CLEC16A: variants seen among roughly 807,000 people sequenced by gnomAD.
The protein encoded by CLEC16A is protein CLEC16A.
In CLEC16A, 51 loss-of-function variants were observed where a neutral mutation model predicts 109.5. That is an observed-to-expected ratio of 0.47 (90% CI 0.37 to 0.59). The LOEUF is 0.59. Ranked by LOEUF, CLEC16A falls within the 20% of genes least tolerant of loss-of-function variation. The probability of loss-of-function intolerance (pLI) is 0.00; values close to 1 mark genes in which losing one functional copy is unlikely to be tolerated. For missense variants in CLEC16A, 1,339 were observed against 1,394.0 expected (o/e 0.96, Z 0.63); for synonymous variants, 673 against 564.2 (o/e 1.19, Z -2.73).
At chr16:11,144,206 A>G (rs960146923) in intron 22 of CLEC16A, among the ~76,000 whole-genome samples, 1 of 152,146 alleles carries the variant, frequency 6.6e-6, no homozygotes, top group Non-Finnish European at 1.5e-5. Context: ...CACCCAAATG[A>G]GCAAATCATG....
At chr16:11,024,467 C>T (rs1333014877) in intron 12 of CLEC16A, 1 of 210,600 alleles carries the variant, frequency 4.7e-6, no homozygotes, top group Non-Finnish European at 9.8e-6. Flanking sequence ...GCTTGTGACA[C>T]ACATCACTTT....
In CLEC16A at chr16:11,174,255, C is replaced by A; in HGVS notation, c.2807-4080C>A. 2.1e-6 allele frequency: 1 copy of A among 465,468 alleles called. No individual in the cohort carries two copies. The allele number at this position is 465,468 out of a possible 1,614,324, so 28.8% of individuals were successfully genotyped here. A position where few individuals can be genotyped will look rare whatever the true frequency, so the allele number is the denominator to read the frequency against. On this transcript the variant is annotated intron_variant, in intron 23 of 23. Coordinates refer to ENST00000409790, the MANE Select transcript of CLEC16A (RefSeq NM_015226.3). This position sits in a 1 kb window ranked among gnomAD's most constrained non-coding sequence, Gnocchi z 4.7. Reference sequence around the variant, plus strand: ...GTGCTCCGAACGGCAGCTGCCACGGCACCTCACGCACAGTCAATTCAGGCA... The same window carrying A: ...GTGCTCCGAACGGCAGCTGCCACGGAACCTCACGCACAGTCAATTCAGGCA...
At position 11,123,850 on chromosome 16, in the gene CLEC16A, TTCA is replaced by T; in HGVS notation, c.2380_2382del (p.Ile794del). ...GCCCTTCCCCATCCTCCAGGCCACC[TTCA>T]TCTTCTCAGACCACATCCGCTGCAT... is the stretch of plus-strand genomic sequence containing the variant. On this transcript the variant is annotated inframe_deletion, in exon 21 of 24. Coordinates refer to ENST00000409790, the MANE Select transcript of CLEC16A (RefSeq NM_015226.3). The T allele has an allele frequency of 1.2e-6, 2 of 1,614,038 alleles. No homozygotes were observed. The highest frequency in any genetic ancestry group is 1.7e-6 in the Non-Finnish European group (2 of 1,179,888).
intron 6 of CLEC16A, 76 bp downstream of exon 6, chr16:10,972,635 ATTCTCAGTGTAGTCTAGC>A: frequency 7.3e-7 from 1 of 1,365,518 alleles, no homozygotes; most frequent in Non-Finnish European, 1.0e-6. Context: ...GAATGGTGTA[ATTCTCAGTGTAGTCTAGC>A]TCAGTCTGCT....
At chr16:11,087,088 C>T (rs1449902533) in intron 19 of CLEC16A, among the ~76,000 whole-genome samples, 1 of 152,252 alleles carries the variant, frequency 6.6e-6, no homozygotes, top group Non-Finnish European at 1.5e-5. Flanking sequence ...CCCGTGAAAT[C>T]AGGAGATCCA....
intron 11 of CLEC16A, among the ~76,000 whole-genome samples, chr16:11,018,508 G>A (rs1046647837): frequency 6.6e-6 from 1 of 152,026 alleles, no homozygotes; most frequent in Non-Finnish European, 1.5e-5. Context: ...CCAGCACTTT[G>A]GGAGGCCGAG....
intron 5 of CLEC16A, among the ~76,000 whole-genome samples, chr16:10,972,263 G>A (rs908505313): frequency 6.6e-6 from 1 of 152,254 alleles, no homozygotes; most frequent in Admixed American, 6.5e-5. Context: ...AGAAGCAGCT[G>A]CCCCTTTGGG....
At chr16:11,120,830 A>ACACACACACACAC (rs2052354235) in intron 20 of CLEC16A, 64 bp downstream of exon 20, 1 of 1,247,826 alleles carries the variant, frequency 8.0e-7, no homozygotes, top group African/African-American at 1.5e-5. Context: ...ACACACACAC[A>ACACACACACACAC]CACACACACC....
chr16:10,956,823 C>G (rs6498140), intron 1 of CLEC16A, among the ~76,000 whole-genome samples: 67,310 of 151,830 alleles, frequency 0.44, 17,987 homozygotes, highest in African/African-American at 0.76. Context: ...TTTATTTAGA[C>G]TCTCGCTCTG....
rs747735054 is a variant in CLEC16A, at chr16:11,123,791, C to T, written c.2318C>T (p.Thr773Ile). Residue 773 changes from threonine (T) to isoleucine (I), a missense_variant, in exon 21 of 24, where the codon ACC becomes ATC. Thr to Ile is a moderately conservative substitution (Grantham distance 89). Around this residue, in one of 3 missense-constraint regions of CLEC16A, gnomAD observed 1,061 missense variants for 1,006.8 expected, o/e 1.05. Transcript: ENST00000409790. Reference sequence around the variant, plus strand: ...GACGACAGCCGTGCCCTGAACATCACCATCCACAAGCCTGCGTCCAGCCCC... The same window carrying T: ...GACGACAGCCGTGCCCTGAACATCATCATCCACAAGCCTGCGTCCAGCCCC... ...VEDDSRALNI[T>I]IHKPASSPHS... 21 of 1,613,964 alleles carry T rather than the reference C, an allele frequency of 1.3e-5. No homozygotes were observed. The South Asian group carries it at 1.5e-4, about 12-fold the overall frequency.
intron 23 of CLEC16A, among the ~76,000 whole-genome samples, chr16:11,175,730 A>C (rs1170538639): frequency 6.6e-6 from 1 of 152,240 alleles, no homozygotes; most frequent in Non-Finnish European, 1.5e-5. Context: ...TTTCCTGAAG[A>C]AGAAATCAGT....
chr16:11,060,764 A>G (rs952230577), intron 18 of CLEC16A, 138 bp from the exon 19 acceptor site: 2 of 899,550 alleles, frequency 2.2e-6, no homozygotes, highest in African/African-American at 1.7e-5. Flanking sequence ...ACCAGAATCA[A>G]AACACCCGAA....
In CLEC16A at chr16:11,178,576, C is replaced by G. The variant is rs199890882; in HGVS notation, c.3048C>G (p.His1016Gln). Residue 1016 changes from histidine (H) to glutamine (Q), a missense_variant, in exon 24 of 24, where the codon CAC becomes CAG. Physicochemically the swap from His to Gln is conservative, Grantham distance 24. This residue lies in a region of CLEC16A where 1,061 missense variants were observed against 1,006.8 expected (regional missense o/e 1.05). Coordinates refer to ENST00000409790, the MANE Select transcript of CLEC16A (RefSeq NM_015226.3). This position sits in a 1 kb window ranked among gnomAD's most constrained non-coding sequence, Gnocchi z 6.5. ...CCCTTGTCCCCCCAGTTGACCCCCA[C>G]AGCCTCCGCAGCCTCACCGGCATGC... ...SLTLVPPVDP[H>Q]SLRSLTGMPP... 131 of 1,610,664 alleles carry G rather than the reference C, an allele frequency of 8.1e-5. No individual in the cohort carries two copies. The African/African-American group carries it at 1.5e-3, about 19-fold the overall frequency.
At chr16:11,052,159 G>A (rs1021988759) in intron 18 of CLEC16A, among the ~76,000 whole-genome samples, 4 of 152,176 alleles carry the variant, frequency 2.6e-5, no homozygotes, top group East Asian at 3.9e-4. Flanking sequence ...GTGTGCTTCC[G>A]TTATCAGCCC....
At chr16:11,163,487 T>TTTTG (rs3830375) in intron 22 of CLEC16A, among the ~76,000 whole-genome samples, 2 of 151,232 alleles carry the variant, frequency 1.3e-5, no homozygotes, top group African/African-American at 4.9e-5. Context: ...TTGGTGATTT[T>TTTTG]TTTGTTTGTT....
chr16:11,047,959 G>A (rs1464035731), intron 17 of CLEC16A: 2 of 152,232 alleles, frequency 1.3e-5, no homozygotes, highest in Admixed American at 6.5e-5. Context: ...CATGAGAACA[G>A]TATAAGGGAA....
chr16:11,156,680 A>G (rs1352069435), intron 22 of CLEC16A: 1 of 1,303,430 alleles, frequency 7.7e-7, no homozygotes, highest in East Asian at 5.5e-5. Flanking sequence ...TAATTTACAG[A>G]CGGTAATACC....
intron 1 of CLEC16A, among the ~76,000 whole-genome samples, chr16:10,945,103 A>C (rs1011796223): frequency 1.3e-5 from 2 of 152,166 alleles, no homozygotes; most frequent in African/African-American, 4.8e-5. Context: ...GGTGTCCACC[A>C]AGTTTCCTGG....
chr16:10,948,049 A>G (rs982577709), intron 1 of CLEC16A, among the ~76,000 whole-genome samples: 21 of 151,908 alleles, frequency 1.4e-4, no homozygotes, highest in East Asian at 3.9e-4. Context: ...GCCCGCCACC[A>G]CGCCCAGCTA....
Sources: allele counts gnomAD v4.1 joint callset (sites outside exome capture counted in the v4.1 genomes callset), GRCh38; gene constraint gnomAD v4.1.1; regional missense constraint gnomAD v4.1.1; non-coding constraint Gnocchi (gnomAD v3.1); transcripts MANE v1.5; gene names NCBI Gene and HGNC (gene_info 2026-07-23, HGNC 2026-07-21).